Variants in ARHGEF33 observed in about 807,000 individuals in gnomAD.
ARHGEF33 encodes DH and coiled-coil domain-containing protein ENSP00000381780.
A neutral mutation model predicts 101.9 loss-of-function variants in ARHGEF33; 72 were observed. The ratio of observed to expected loss-of-function variants is 0.71; its 90% CI spans 0.58 to 0.86. The LOEUF is 0.86. ARHGEF33 is among the 40% of genes least tolerant of loss of function. The pLI, the probability that ARHGEF33 is intolerant of heterozygous loss-of-function variation, is 0.00. For synonymous variants in ARHGEF33, 499 were observed against 442.5 expected, an observed-to-expected ratio of 1.13 and a Z score of -1.60; for missense variants, 1,169 against 1,111.3, an observed-to-expected ratio of 1.05 and a Z score of -0.74.
chr2:38,972,748 C>T (rs992698517), intron 17 of ARHGEF33, among the ~76,000 whole-genome samples: 4 of 152,184 alleles, frequency 2.6e-5, no homozygotes, highest in Non-Finnish European at 2.9e-5. Context: ...TACAAGGACT[C>T]GGAGGCCCTG....
At chr2:38,900,801 A>G (rs1186848629) in intron 2 of ARHGEF33, among the ~76,000 whole-genome samples, 1 of 152,220 alleles carries the variant, frequency 6.6e-6, no homozygotes, top group African/African-American at 2.4e-5. Flanking sequence ...GAGGCAGATT[A>G]AAAGTCTGGC....
At chr2:38,907,363 T>C (rs548004677) in intron 2 of ARHGEF33, among the ~76,000 whole-genome samples, 170 of 152,198 alleles carry the variant, frequency 1.1e-3, no homozygotes, top group Non-Finnish European at 2.1e-3. Context: ...TTGTACTCTT[T>C]TTCTCCTTTC....
In ARHGEF33 at chr2:38,972,510, C is replaced by T. The variant is rs760312488; in HGVS notation, c.2484-1204C>T. On this transcript the variant is annotated intron_variant, in intron 17 of 17. Coordinates refer to ENST00000409978, the MANE Select transcript of ARHGEF33 (RefSeq NM_001145451.5). ...AACCAGAAGTAGAAAGCATGGTGGG[C>T]GGCTATGGCTTCATCTGTGATATTG... Among the ~76,000 whole-genome samples the T allele has an allele frequency of 2.2e-4, 34 of 152,090 alleles. 1 individual carries two copies. Among genetic ancestry groups the T allele is most frequent in the East Asian group, 1.9e-4 (1 of 5,190 alleles).
intron 1 of ARHGEF33, among the ~76,000 whole-genome samples, chr2:38,890,656 T>C (rs1294543073): frequency 1.3e-5 from 2 of 152,226 alleles, no homozygotes; most frequent in Non-Finnish European, 2.9e-5. Flanking sequence ...AGTTTTTATA[T>C]GCTGAAATAG....
chr2:38,916,908 C>G (rs1434877609), intron 2 of ARHGEF33, among the ~76,000 whole-genome samples: 5 of 148,832 alleles, frequency 3.4e-5, no homozygotes, highest in African/African-American at 1.2e-4. Context: ...TCAAGTGATT[C>G]TCTTGCCTCA....
chr2:38,929,572 G>A, intron 5 of ARHGEF33, 137 bp from the exon 6 acceptor site: 1 of 636,366 alleles, frequency 1.6e-6, no homozygotes, highest in Non-Finnish European at 2.3e-6. Flanking sequence ...GGCCACGATG[G>A]AAGTAAATTT....
At chr2:38,954,533 A>G in intron 13 of ARHGEF33, 77 bp downstream of exon 13, 1 of 809,582 alleles carries the variant, frequency 1.2e-6, no homozygotes, top group South Asian at 1.5e-5. Context: ...ACTGAGAAAT[A>G]CTGTAAAGCC....
intron 2 of ARHGEF33, among the ~76,000 whole-genome samples, chr2:38,907,712 G>A (rs1310205379): frequency 1.3e-5 from 2 of 152,186 alleles, no homozygotes; most frequent in African/African-American, 4.8e-5. Flanking sequence ...CGTTTCCCAG[G>A]AGAGCACTCT....
chr2:38,905,928 G>A (rs1223145047), intron 2 of ARHGEF33, among the ~76,000 whole-genome samples: 2 of 152,166 alleles, frequency 1.3e-5, no homozygotes, highest in African/African-American at 4.8e-5. Context: ...GTTGTTCAGT[G>A]TCTTTCCTCA....
rs888518334 is a variant in ARHGEF33, at chr2:38,929,928, C to T, written c.362+98C>T. ...TTCCCCACTATCAGTGTATAGCTAG[C>T]TGGCCACTGTGCTCCACAGCTTGGC... On this transcript the variant is annotated intron_variant, in intron 6 of 17. Coordinates refer to ENST00000409978, the MANE Select transcript of ARHGEF33 (RefSeq NM_001145451.5). 8 of 1,106,274 alleles carry T rather than the reference C, an allele frequency of 7.2e-6. No homozygotes were observed. In the Admixed American group the frequency reaches 2.0e-4, roughly 28 times the overall value. 68.5% of individuals were successfully genotyped at this position (1,106,274 alleles called of 1,614,324 possible).
chr2:38,896,569 G>A (rs1666127038), intron 2 of ARHGEF33, among the ~76,000 whole-genome samples: 1 of 152,182 alleles, frequency 6.6e-6, no homozygotes, highest in Non-Finnish European at 1.5e-5. Context: ...TAATAACCAT[G>A]TGGGCTAGGT....
chr2:38,968,241 C>T (rs1376379807), intron 17 of ARHGEF33, among the ~76,000 whole-genome samples: 1 of 152,050 alleles, frequency 6.6e-6, no homozygotes, highest in Non-Finnish European at 1.5e-5. Context: ...CTGGCTGCGT[C>T]ATGAAGGAAT....
At chr2:38,908,050 A>C (rs1324696545) in intron 2 of ARHGEF33, among the ~76,000 whole-genome samples, 3 of 151,906 alleles carry the variant, frequency 2.0e-5, no homozygotes, top group Non-Finnish European at 2.9e-5. Flanking sequence ...CTTTTTGTAA[A>C]GATAGGGTCT....
At chr2:38,928,816 T>G in intron 4 of ARHGEF33, 91 bp from the exon 5 acceptor site, 1 of 1,239,530 alleles carries the variant, frequency 8.1e-7, no homozygotes, top group Non-Finnish European at 1.1e-6. Flanking sequence ...TCAGGAGGCT[T>G]GTTTCTCAAA....
At chr2:38,943,549 T>C (rs201156181) in intron 9 of ARHGEF33, among the ~76,000 whole-genome samples, 1 of 148,222 alleles carries the variant, frequency 6.7e-6, no homozygotes, top group Admixed American at 6.8e-5. Context: ...GTATGGGGGG[T>C]GAGGATCTGG....
chr2:38,948,878 A>G (rs913162036), intron 10 of ARHGEF33, among the ~76,000 whole-genome samples: 3 of 152,270 alleles, frequency 2.0e-5, no homozygotes, highest in Admixed American at 2.0e-4. Context: ...TATACCCCGT[A>G]GCTACCCCTC....
intron 9 of ARHGEF33, among the ~76,000 whole-genome samples, chr2:38,938,902 C>T (rs1003921702): frequency 6.6e-6 from 1 of 152,192 alleles, no homozygotes; most frequent in East Asian, 1.9e-4. Flanking sequence ...CATATTTTTG[C>T]ACACAATTCA....
intron 1 of ARHGEF33, among the ~76,000 whole-genome samples, chr2:38,894,441 T>C (rs186959604): frequency 7.3e-6 from 1 of 136,720 alleles, no homozygotes; most frequent in Admixed American, 7.4e-5. Context: ...AAAAGAATAA[T>C]AATAGAGGCT....
intron 2 of ARHGEF33, among the ~76,000 whole-genome samples, chr2:38,902,980 G>A (rs1558423213): frequency 6.6e-6 from 1 of 152,070 alleles, no homozygotes; most frequent in Non-Finnish European, 1.5e-5. Flanking sequence ...TTGATGTAGG[G>A]TAGTAGGATA....
Sources: allele counts gnomAD v4.1 joint callset (sites outside exome capture counted in the v4.1 genomes callset), GRCh38; gene constraint gnomAD v4.1.1; transcripts MANE v1.5; gene names NCBI Gene and HGNC (gene_info 2026-07-23, HGNC 2026-07-21).